IFT74: variants seen among roughly 807,000 people sequenced by gnomAD.
IFT74 encodes intraflagellar transport protein 74 homolog.
IFT74 carries 92 observed loss-of-function variants against 96.7 expected under a neutral mutation model. That is an observed-to-expected ratio of 0.95 (90% CI 0.80 to 1.13). The LOEUF is 1.13. Among genes scored for constraint, IFT74 ranks in the 50% most tolerant of loss-of-function variants. The probability of loss-of-function intolerance (pLI) is 0.00; values close to 1 mark genes in which losing one functional copy is unlikely to be tolerated. For synonymous variants in IFT74, 223 were observed against 213.2 expected (o/e 1.05, Z -0.40); for missense variants, 811 against 698.2 (o/e 1.16, Z -1.82).
intron 13 of IFT74, among the ~76,000 whole-genome samples, chr9:27,042,417 CAT>C (rs1012785008): frequency 3.9e-5 from 6 of 152,060 alleles, no homozygotes; most frequent in African/African-American, 1.4e-4. Context: ...AAAAATAAAA[CAT>C]AGAGGAAAAC....
chr9:27,008,685 C>A (rs1303886717), intron 8 of IFT74, among the ~76,000 whole-genome samples: 1 of 151,956 alleles, frequency 6.6e-6, no homozygotes, highest in Non-Finnish European at 1.5e-5. Context: ...GAAGGTATAA[C>A]TTTAAAAAAG....
intron 2 of IFT74, among the ~76,000 whole-genome samples, chr9:26,976,959 T>C (rs911493874): frequency 6.6e-6 from 1 of 152,172 alleles, no homozygotes; most frequent in Admixed American, 6.5e-5. Flanking sequence ...TGGATTTATA[T>C]CCATTTGTTT....
At chr9:27,031,193 T>G (rs1048859506) in intron 13 of IFT74, among the ~76,000 whole-genome samples, 3 of 152,164 alleles carry the variant, frequency 2.0e-5, no homozygotes, top group Non-Finnish European at 4.4e-5. Flanking sequence ...AAGAAATTCT[T>G]TTAGGTCGTG....
Position 27,020,631 on chromosome 9 carries a change from C to T in IFT74, c.974+1944C>T, listed in dbSNP as rs188442858. ...CTGGGACTACAGGCGCCCGCCACTG[C>T]GCCTGGCTAATTTTTTGTATTTTTA... On this transcript the variant is annotated intron_variant, in intron 12 of 19. Coordinates refer to ENST00000380062, the MANE Select transcript of IFT74 (RefSeq NM_025103.4). 7.7e-4 allele frequency among the ~76,000 whole-genome samples: 117 copies of T among 151,966 alleles called. 1 individual carries two copies. Among genetic ancestry groups the T allele is most frequent in the Admixed American group, 1.1e-3 (17 of 15,276 alleles).
intron 16 of IFT74, among the ~76,000 whole-genome samples, chr9:27,053,579 CG>C (rs1820025264): frequency 6.6e-6 from 1 of 152,140 alleles, no homozygotes; most frequent in African/African-American, 2.4e-5. Context: ...TGCAACTTCA[CG>C]GCATATCAGA....
chr9:27,011,381 C>T (rs1829065099), intron 9 of IFT74, among the ~76,000 whole-genome samples: 1 of 152,102 alleles, frequency 6.6e-6, no homozygotes, highest in Admixed American at 6.5e-5. Context: ...TTTATATTTA[C>T]ATATACGTGT....
intron 8 of IFT74, chr9:26,999,732 G>T: frequency 3.1e-6 from 4 of 1,300,568 alleles, no homozygotes; most frequent in Non-Finnish European, 4.3e-6. Flanking sequence ...TTTTCATTAA[G>T]GACATTTTTA....
intron 13 of IFT74, among the ~76,000 whole-genome samples, chr9:27,038,494 G>T (rs1016429532): frequency 7.2e-5 from 11 of 152,088 alleles, no homozygotes; most frequent in African/African-American, 2.4e-4. Flanking sequence ...GGCCAGGCTG[G>T]TCTCAAACTC....
intron 12 of IFT74, among the ~76,000 whole-genome samples, chr9:27,024,422 A>T (rs2131633632): frequency 6.6e-6 from 1 of 152,162 alleles, no homozygotes; most frequent in South Asian, 2.1e-4. Context: ...AATAACAATC[A>T]CTGCAGTCTG....
intron 4 of IFT74, among the ~76,000 whole-genome samples, chr9:26,981,036 T>C (rs1462004741): frequency 6.6e-6 from 1 of 152,152 alleles, no homozygotes; most frequent in African/African-American, 2.4e-5. Context: ...GCCGTCAAGG[T>C]GTCCTCATGG....
intron 1 of IFT74, among the ~76,000 whole-genome samples, chr9:26,957,854 C>T (rs966784111): frequency 4.0e-5 from 6 of 151,346 alleles, no homozygotes; most frequent in African/African-American, 1.5e-4. Flanking sequence ...AGTGCAGTGG[C>T]GCGATCTCGG....
intron 4 of IFT74, among the ~76,000 whole-genome samples, chr9:26,981,538 C>T (rs1375860647): frequency 6.6e-6 from 1 of 151,862 alleles, no homozygotes; most frequent in Non-Finnish European, 1.5e-5. Flanking sequence ...CATCAGCTTC[C>T]CAAGTAGCTG....
At chr9:26,983,505 C>A (rs980603617) in intron 4 of IFT74, among the ~76,000 whole-genome samples, 2 of 152,120 alleles carry the variant, frequency 1.3e-5, no homozygotes, top group African/African-American at 4.8e-5. Context: ...ATCCAGGATG[C>A]TGGTAAACAT....
intron 13 of IFT74, among the ~76,000 whole-genome samples, chr9:27,042,577 T>C (rs1390081969): frequency 6.6e-6 from 1 of 152,158 alleles, no homozygotes; most frequent in African/African-American, 2.4e-5. Context: ...CATTGCAGTG[T>C]CTTGGGGTTT....
At position 27,055,678 on chromosome 9, in the gene IFT74, A is replaced by G. The variant is rs1273433692; in HGVS notation, c.1403A>G (p.His468Arg). 1.3e-6 allele frequency: 2 copies of G among 1,593,624 alleles called. No individual in the cohort carries two copies. The highest frequency in any genetic ancestry group is 1.7e-6 in the Non-Finnish European group (2 of 1,172,322). The part of the protein sequence containing the change: ...LLESKMTEEQ[H>R]SLKSKIKQMT... ...GAAAGTAAGATGACTGAAGAACAGC[A>G]TTCTCTAAAAAGCAAAATTAAGCAA... is the stretch of plus-strand genomic sequence containing the variant. The change falls in exon 17 of 20, where the codon CAT (histidine) becomes CGT (arginine). Residue 468 changes from histidine (H) to arginine (R), a missense_variant. By Grantham distance (29) the His-to-Arg change is conservative. Transcript: ENST00000380062.
chr9:26,991,856 A>G (rs574153675), intron 8 of IFT74, among the ~76,000 whole-genome samples: 2 of 152,018 alleles, frequency 1.3e-5, no homozygotes, highest in East Asian at 3.9e-4. Context: ...CGGTAAAACC[A>G]TATCTCTACT....
At chr9:27,013,772 TC>T (rs1400164044) in intron 10 of IFT74, among the ~76,000 whole-genome samples, 1 of 152,200 alleles carries the variant, frequency 6.6e-6, no homozygotes, top group African/African-American at 2.4e-5. Context: ...TTTCCTGATT[TC>T]CTGTGGATTC....
At chr9:26,976,673 A>G in intron 2 of IFT74, 1 of 441,142 alleles carries the variant, frequency 2.3e-6, no homozygotes, top group Non-Finnish European at 4.5e-6. Context: ...GAAAGAAGAA[A>G]AAAGGAGAAG....
intron 2 of IFT74, among the ~76,000 whole-genome samples, chr9:26,974,375 A>C (rs1827008386): frequency 6.6e-6 from 1 of 152,284 alleles, no homozygotes; most frequent in Middle Eastern, 3.4e-3. Context: ...AATGGAGCTT[A>C]AACATACCCG....
Sources: gnomAD v4.1 joint callset for allele counts (sites outside exome capture counted in the v4.1 genomes callset) on GRCh38, gnomAD v4.1.1 for gene constraint, MANE v1.5 for transcripts, NCBI Gene and HGNC (gene_info 2026-07-23, HGNC 2026-07-21) for gene names.